The following RNF180 variants were observed in gnomAD, a reference collection of about 807,000 sequenced individuals.
RNF180 encodes the protein E3 ubiquitin-protein ligase RNF180.
A neutral mutation model predicts 59.2 loss-of-function variants in RNF180; 38 were observed. That is an observed-to-expected ratio of 0.64 (90% CI 0.50 to 0.84). The LOEUF is 0.84. RNF180 is among the 40% of genes least tolerant of loss of function. The pLI is 0.00. For synonymous variants in RNF180, 262 were observed against 240.3 expected (o/e 1.09, Z -0.84); for missense variants, 705 against 700.9 (o/e 1.01, Z -0.07).
rs552003740 is a variant in RNF180, at chr5:64,288,579, T to G, written c.1228-36607T>G. Among the ~76,000 whole-genome samples, 15 of 152,298 alleles carry G rather than the reference T, an allele frequency of 9.8e-5. 2 individuals are homozygous for G. Among genetic ancestry groups the G allele is most frequent in the African/African-American group, 3.6e-4 (15 of 41,566 alleles). ...GTCCTCTTATTTCATTGAGCAGTGG[T>G]TTGTAGTTCTCCTTGAAGAAGTCCT... is the stretch of plus-strand genomic sequence containing the variant. On this transcript the variant is annotated intron_variant, in intron 5 of 7. Coordinates refer to ENST00000389100, the MANE Select transcript of RNF180 (RefSeq NM_001113561.2).
At chr5:64,346,585 G>A (rs1183491699) in intron 7 of RNF180, among the ~76,000 whole-genome samples, 1 of 151,748 alleles carries the variant, frequency 6.6e-6, no homozygotes, top group Non-Finnish European at 1.5e-5. Flanking sequence ...GGCCAGGCTG[G>A]TCTCAACGTC....
intron 5 of RNF180, among the ~76,000 whole-genome samples, chr5:64,306,039 G>A (rs543973411): frequency 6.6e-6 from 1 of 151,684 alleles, no homozygotes; most frequent in African/African-American, 2.4e-5. Context: ...AATCCTTACA[G>A]GGATTAAAAG....
intron 7 of RNF180, among the ~76,000 whole-genome samples, chr5:64,332,532 T>C (rs12518161): frequency 0.45 from 67,912 of 151,928 alleles, 16,563 homozygotes; most frequent in African/African-American, 0.65. Flanking sequence ...TATGTCTTCC[T>C]CACCTAACTA....
At chr5:64,325,878 C>A (rs1287591315) in intron 6 of RNF180, among the ~76,000 whole-genome samples, 1 of 152,104 alleles carries the variant, frequency 6.6e-6, no homozygotes, top group Non-Finnish European at 1.5e-5. Context: ...TAAGGTCTTT[C>A]TCCTTGAACA....
At chr5:64,268,346 A>G (rs1481643019) in intron 5 of RNF180, among the ~76,000 whole-genome samples, 1 of 152,172 alleles carries the variant, frequency 6.6e-6, no homozygotes, top group African/African-American at 2.4e-5. Flanking sequence ...TTAAGAGGCA[A>G]TGAAATATTT....
chr5:64,220,470 A>G (rs1195492507), intron 5 of RNF180, among the ~76,000 whole-genome samples: 3 of 151,898 alleles, frequency 2.0e-5, no homozygotes, highest in Non-Finnish European at 2.9e-5. Flanking sequence ...TTGTTTTGCA[A>G]CTTCATTTGG....
chr5:64,280,635 G>T (rs770019760), intron 5 of RNF180, among the ~76,000 whole-genome samples: 4 of 151,256 alleles, frequency 2.6e-5, no homozygotes, highest in Non-Finnish European at 5.9e-5. Context: ...GCTTTTTTCT[G>T]GTCTCTCTGT....
At chr5:64,226,343 T>A (rs1741754797) in intron 5 of RNF180, among the ~76,000 whole-genome samples, 3 of 152,242 alleles carry the variant, frequency 2.0e-5, no homozygotes, top group African/African-American at 7.2e-5. Context: ...CTTGGGATGC[T>A]GTTGATCTAT....
chr5:64,199,079 G>A (rs1385834066), intron 1 of RNF180, among the ~76,000 whole-genome samples: 2 of 152,176 alleles, frequency 1.3e-5, no homozygotes, highest in East Asian at 1.9e-4. Flanking sequence ...TGGCCTCCCA[G>A]AGTGCTGGGA....
rs10694125 is a variant in RNF180, at chr5:64,224,062, G to GGTGTGTGT, written c.1227+6701_1227+6708dup. ...ATTTTCTTCAGTTGATCTAGGTTGG[G>GGTGTGTGT]GTGTGTGTGTGTGTGTGTGTGTGTG... On this transcript the variant is annotated intron_variant, in intron 5 of 7. Transcript: ENST00000389100. Among the ~76,000 whole-genome samples the GGTGTGTGT allele has an allele frequency of 2.2e-3, 314 of 141,454 alleles. 2 individuals carry two copies. Among genetic ancestry groups the GGTGTGTGT allele is most frequent in the Middle Eastern group, 0.014 (4 of 276 alleles). 92.8% of individuals were successfully genotyped at this position (141,454 alleles called of 152,430 possible). A position where few individuals can be genotyped will look rare whatever the true frequency, so the allele number is the denominator to read the frequency against.
intron 7 of RNF180, among the ~76,000 whole-genome samples, chr5:64,331,007 C>A (rs563373904): frequency 2.6e-5 from 4 of 152,224 alleles, no homozygotes; most frequent in South Asian, 2.1e-4. Context: ...ATGCTCCTGG[C>A]ACCCACTCCA....
At chr5:64,207,104 AATTAT>A (rs553696386) in intron 2 of RNF180, among the ~76,000 whole-genome samples, 35 of 151,940 alleles carry the variant, frequency 2.3e-4, no homozygotes, top group South Asian at 1.0e-3. Flanking sequence ...AATGTATTCT[AATTAT>A]ATTATAATCA....
At chr5:64,285,794 A>G (rs1288933481) in intron 5 of RNF180, among the ~76,000 whole-genome samples, 1 of 152,126 alleles carries the variant, frequency 6.6e-6, no homozygotes, top group African/African-American at 2.4e-5. Context: ...CACCTTGAAG[A>G]GCATGGTGAG....
intron 5 of RNF180, among the ~76,000 whole-genome samples, chr5:64,227,267 C>T (rs1210926466): frequency 6.6e-6 from 1 of 152,102 alleles, no homozygotes; most frequent in Admixed American, 6.5e-5. Context: ...TGCATTTGGG[C>T]CAAAACCAAG....
chr5:64,357,595 C>T (rs1453265785), intron 7 of RNF180, among the ~76,000 whole-genome samples: 1 of 151,740 alleles, frequency 6.6e-6, no homozygotes, highest in Admixed American at 6.6e-5. Context: ...ATTTTATTCT[C>T]TAAAGTCTGT....
At chr5:64,251,453 G>T (rs1015817604) in intron 5 of RNF180, among the ~76,000 whole-genome samples, 4 of 152,126 alleles carry the variant, frequency 2.6e-5, no homozygotes, top group African/African-American at 9.7e-5. Context: ...ATTTTTAGAG[G>T]TAGGGTCTCA....
At position 64,372,099 on chromosome 5, in the gene RNF180, T is replaced by C. The variant is rs767450310; in HGVS notation, c.*2285T>C. ...AAGTAATATTATTTAATAAGCTTAA[T>C]TTTATGAGTTATCATTATCAATAAT... On this transcript the variant is annotated 3_prime_UTR_variant, in exon 8 of 8. Coordinates refer to ENST00000389100, the MANE Select transcript of RNF180 (RefSeq NM_001113561.2). 4 of 151,792 alleles carry C rather than the reference T, an allele frequency of 2.6e-5. No individual in the cohort carries two copies. Among genetic ancestry groups the C allele is most frequent in the Non-Finnish European group, 5.9e-5 (4 of 67,802 alleles). 9.4% of individuals were successfully genotyped at this position (151,792 alleles called of 1,614,324 possible). A position where few individuals can be genotyped will look rare whatever the true frequency, so the allele number is the denominator to read the frequency against.
At chr5:64,321,638 A>G (rs1744355457) in intron 5 of RNF180, among the ~76,000 whole-genome samples, 1 of 152,066 alleles carries the variant, frequency 6.6e-6, no homozygotes, top group African/African-American at 2.4e-5. Context: ...TACTATGGAC[A>G]TTTTTCACAG....
At chr5:64,315,700 C>A (rs918566492) in intron 5 of RNF180, among the ~76,000 whole-genome samples, 1 of 144,716 alleles carries the variant, frequency 6.9e-6, no homozygotes, top group South Asian at 2.2e-4. Context: ...CGTGCCATTG[C>A]ACTCCAGTCT....
Sources: allele counts gnomAD v4.1 joint callset (sites outside exome capture counted in the v4.1 genomes callset), GRCh38; gene constraint gnomAD v4.1.1; transcripts MANE v1.5; gene names NCBI Gene and HGNC (gene_info 2026-07-23, HGNC 2026-07-21).